TLE3: variants seen among roughly 807,000 people sequenced by gnomAD.
TLE3 encodes the protein transducin-like enhancer protein 3.
In TLE3, 14 loss-of-function variants were observed where a neutral mutation model predicts 93.0. That is an observed-to-expected ratio of 0.15 (90% CI 0.10 to 0.24). The LOEUF is 0.24. TLE3 is among the 10% of genes least tolerant of loss of function. The pLI, the probability that TLE3 is intolerant of heterozygous loss-of-function variation, is 1.00. For missense variants in TLE3, 693 were observed against 1,046.6 expected (o/e 0.66, Z 4.66); for synonymous variants, 451 against 425.0 (o/e 1.06, Z -0.75).
At position 70,056,284 on chromosome 15, in the gene TLE3, T is replaced by C. The variant is rs759697370; in HGVS notation, c.1328+14A>G. On this transcript the variant is annotated intron_variant, in intron 14 of 19. Transcript: ENST00000451782. ...CACCCTACAAAGCATGCAGTAAGTATAGCCAAAGCTTACGGTTTTCCTCCA... is the reference window on the plus strand; with the variant it reads ...CACCCTACAAAGCATGCAGTAAGTACAGCCAAAGCTTACGGTTTTCCTCCA... The C allele has an allele frequency of 1.4e-5, 23 of 1,613,226 alleles. No individual in the cohort carries two copies. The highest frequency in any genetic ancestry group is 1.7e-4 in the Middle Eastern group (1 of 6,058).
At chr15:70,070,711 G>T (rs2057100908) in intron 6 of TLE3, among the ~76,000 whole-genome samples, 1 of 152,150 alleles carries the variant, frequency 6.6e-6, no homozygotes, top group African/African-American at 2.4e-5. Flanking sequence ...AGCAACCAGA[G>T]CCCAGACTCA....
chr15:70,060,724 G>A, intron 8 of TLE3, 75 bp from the exon 9 acceptor site: 1 of 1,588,678 alleles, frequency 6.3e-7, no homozygotes, highest in Non-Finnish European at 8.5e-7. Context: ...ACACAGCTAA[G>A]TGCAGGTGAC....
chr15:70,094,510 T>C (rs1205170243), intron 4 of TLE3, 22 bp downstream of exon 4: 4 of 1,523,144 alleles, frequency 2.6e-6, no homozygotes, highest in Admixed American at 2.2e-5. Context: ...GAAATATATT[T>C]TTAAAAGAGA....
Position 70,069,616 on chromosome 15 carries a change from T to C in TLE3, c.373-3398A>G, listed in dbSNP as rs116295704. Among the ~76,000 whole-genome samples the C allele has an allele frequency of 4.3e-3, 661 of 152,294 alleles. 7 individuals are homozygous for C. Among genetic ancestry groups the C allele is most frequent in the African/African-American group, 0.015 (631 of 41,574 alleles). The stretch of plus-strand genomic sequence containing the variant: ...TCCCTCGAGGTCTCCTTGGGGTGGT[T>C]TGAAGGCACAGCAAGGACCGGTCCA... On this transcript the variant is annotated intron_variant, in intron 6 of 19. Transcript: ENST00000451782.
At chr15:70,093,586 G>A (rs1214227805) in intron 4 of TLE3, among the ~76,000 whole-genome samples, 2 of 152,174 alleles carry the variant, frequency 1.3e-5, no homozygotes, top group South Asian at 2.1e-4. Flanking sequence ...ATTTATACGT[G>A]CCAAGTCAAC....
chr15:70,096,544 G>T, intron 1 of TLE3: 1 of 1,396,698 alleles, frequency 7.2e-7, no homozygotes, highest in Non-Finnish European at 9.8e-7. Context: ...GCGGGGCCGG[G>T]GACCGCGTGA....
intron 6 of TLE3, among the ~76,000 whole-genome samples, chr15:70,067,878 C>A (rs1022097361): frequency 2.0e-5 from 3 of 152,208 alleles, no homozygotes; most frequent in Admixed American, 2.0e-4. Context: ...TGTCAGAGCA[C>A]TTCTGTGACG....
Position 70,058,992 on chromosome 15 carries a change from T to G in TLE3, c.766-177A>C, listed in dbSNP as rs905571334. On this transcript the variant is annotated intron_variant, in intron 10 of 19. Transcript: ENST00000451782. This position sits in a 1 kb window ranked among gnomAD's most constrained non-coding sequence, Gnocchi z 4.1. ...TTAACCATCTGGTCTGACTGAGGCC[T>G]AGGGAGGGTGGAAGGATGGTCTTCC... Among the ~76,000 whole-genome samples, 1 of 152,118 alleles carries G rather than the reference T, an allele frequency of 6.6e-6. No homozygotes were observed.
chr15:70,070,710 A>G (rs2057100732), intron 6 of TLE3, among the ~76,000 whole-genome samples: 1 of 152,156 alleles, frequency 6.6e-6, no homozygotes. Flanking sequence ...CAGCAACCAG[A>G]GCCCAGACTC....
intron 5 of TLE3, among the ~76,000 whole-genome samples, 152 bp from the exon 6 acceptor site, chr15:70,074,759 G>A (rs1239685596): frequency 6.6e-6 from 1 of 152,212 alleles, no homozygotes; most frequent in Non-Finnish European, 1.5e-5. Context: ...GGGGGAGGGT[G>A]ACAGGCGATT....
chr15:70,066,008 C>A lies in TLE3; in HGVS notation c.577+6G>T. On this transcript the variant is annotated splice_donor_region_variant and intron_variant, in intron 7 of 19. Coordinates refer to ENST00000451782, the MANE Select transcript of TLE3 (RefSeq NM_001105192.3). ...CGCCCCACCCTCTGCCCCAGCCCAG[C>A]CGCACCTCTGTGATCGAGTTCATGG... 1 of 1,612,240 alleles carries A rather than the reference C, an allele frequency of 6.2e-7. No individual in the cohort carries two copies. The highest frequency in any genetic ancestry group is 1.1e-5 in the South Asian group (1 of 90,960).
Position 70,047,976 on chromosome 15 carries a change from T to C in TLE3, c.*2121A>G, listed in dbSNP as rs114712014. 6.6e-6 allele frequency: 1 copy of C among 151,952 alleles called. No individual in the cohort carries two copies. Among genetic ancestry groups the C allele is most frequent in the Middle Eastern group, 3.1e-3 (1 of 318 alleles). The allele number at this position is 151,952 out of a possible 1,614,324, so 9.4% of individuals were successfully genotyped here. On this transcript the variant is annotated 3_prime_UTR_variant, in exon 20 of 20. Coordinates refer to ENST00000451782, the MANE Select transcript of TLE3 (RefSeq NM_001105192.3). ...GGCGCTTGGATGGGAGGCGACACAG[T>C]ATGGGATTGTGAAATCCCTGCTGCG...
intron 1 of TLE3, chr15:70,096,539 G>A: frequency 1.5e-6 from 2 of 1,368,404 alleles, no homozygotes; most frequent in Non-Finnish European, 1.0e-6. Flanking sequence ...TCAGAGCGGG[G>A]CCGGGGACCG....
At chr15:70,077,547 C>T (rs547644813) in intron 4 of TLE3, among the ~76,000 whole-genome samples, 2 of 152,340 alleles carry the variant, frequency 1.3e-5, no homozygotes, top group South Asian at 4.1e-4. Context: ...CACCCTCCAC[C>T]CCCTCCACCC....
At chr15:70,094,779 T>TTA in intron 3 of TLE3, 1 of 563,046 alleles carries the variant, frequency 1.8e-6, no homozygotes, top group South Asian at 2.4e-5. Context: ...CAACAGAACG[T>TTA]TATATTATGT....
At chr15:70,066,758 G>A (rs2056840774) in intron 6 of TLE3, 1 of 170,994 alleles carries the variant, frequency 5.8e-6, no homozygotes, top group South Asian at 1.0e-4. Flanking sequence ...AGAGCCAGAT[G>A]AGCTGGGGGC....
chr15:70,060,664 A>C lies in TLE3; in HGVS notation c.595-15T>G, dbSNP rs1460478112. The C allele has an allele frequency of 6.2e-7, 1 of 1,613,176 alleles. No individual in the cohort carries two copies. Among genetic ancestry groups the C allele is most frequent in the Non-Finnish European group, 8.5e-7 (1 of 1,179,530 alleles). On this transcript the variant is annotated splice_polypyrimidine_tract_variant and intron_variant, in intron 8 of 19. Coordinates refer to ENST00000451782, the MANE Select transcript of TLE3 (RefSeq NM_001105192.3). ...ACAGAGTTATTCTGGAAGGAAAAAG[A>C]GGGTTCGGGGTTAAAACTTTCTGCT...
chr15:70,079,815 G>A (rs993575610), intron 4 of TLE3, among the ~76,000 whole-genome samples: 1 of 151,928 alleles, frequency 6.6e-6, no homozygotes, highest in African/African-American at 2.4e-5. Flanking sequence ...CAATAACCCC[G>A]CGGAGAAGGC....
In TLE3 at chr15:70,095,534, G is replaced by A. The variant is rs762744736; in HGVS notation, c.189+44C>T. 22 of 1,547,308 alleles carry A rather than the reference G, an allele frequency of 1.4e-5. 1 individual carries two copies. In the South Asian group the frequency reaches 2.3e-4, roughly 16 times the overall value. ...AGATCCACGCCGCGCCCCCGGCCGGGGTCGGCGCCCCAACCGCCCCCCAGG... is the reference window on the plus strand; with the variant it reads ...AGATCCACGCCGCGCCCCCGGCCGGAGTCGGCGCCCCAACCGCCCCCCAGG... On this transcript the variant is annotated intron_variant, in intron 3 of 19. Transcript: ENST00000451782.
Sources: allele counts gnomAD v4.1 joint callset (sites outside exome capture counted in the v4.1 genomes callset), GRCh38; gene constraint gnomAD v4.1.1; non-coding constraint Gnocchi (gnomAD v3.1); transcripts MANE v1.5; gene names NCBI Gene and HGNC (gene_info 2026-07-23, HGNC 2026-07-21).